CENPT: variants seen among roughly 807,000 people sequenced by gnomAD.
CENPT encodes centromere protein T.
Under a neutral mutation model 59.7 loss-of-function variants are expected in CENPT, and 42 were observed. The observed-to-expected ratio is 0.70, with a 90% CI of 0.55 to 0.91. The LOEUF is 0.91. CENPT is among the 40% of genes least tolerant of loss of function. CENPT has a pLI of 0.00. For missense variants in CENPT, 716 were observed against 713.4 expected (o/e 1.00, Z -0.04); for synonymous variants, 295 against 289.6 (o/e 1.02, Z -0.19).
chr16:67,835,888 C>G (rs967191599), intron 1 of CENPT, among the ~76,000 whole-genome samples: 2 of 151,242 alleles, frequency 1.3e-5, no homozygotes, highest in Non-Finnish European at 2.9e-5. Flanking sequence ...TCCTGAGCAG[C>G]TGGGATTACA....
chr16:67,841,265 A>G (rs1356993931), intron 1 of CENPT, among the ~76,000 whole-genome samples: 1 of 151,142 alleles, frequency 6.6e-6, no homozygotes, highest in Non-Finnish European at 1.5e-5. Flanking sequence ...GTATTGTTAC[A>G]ATGCAAATCC....
In CENPT at chr16:67,832,332, A is replaced by G; in HGVS notation, c.202-17T>C. On this transcript the variant is annotated splice_polypyrimidine_tract_variant and intron_variant, in intron 5 of 15. Coordinates refer to ENST00000562787, the MANE Select transcript of CENPT (RefSeq NM_025082.4). ...GCCAACAGACTATCGGCAAAGCACC[A>G]AGCAACCAGTCTGTCCGTCTGCCTT... 1 of 1,613,752 alleles carries G rather than the reference A, an allele frequency of 6.2e-7. No homozygotes were observed. The highest frequency in any genetic ancestry group is 8.5e-7 in the Non-Finnish European group (1 of 1,179,650).
Position 67,831,380 on chromosome 16 carries a change from G to C in CENPT, c.561-22C>G, listed in dbSNP as rs781095735. The C allele has an allele frequency of 1.2e-5, 20 of 1,609,138 alleles. 1 individual carries two copies. The South Asian group carries it at 2.1e-4, about 17-fold the overall frequency. On this transcript the variant is annotated intron_variant, in intron 9 of 15. Coordinates refer to ENST00000562787, the MANE Select transcript of CENPT (RefSeq NM_025082.4). ...GGATCTGGTGAGGTGGGGAGGCACA[G>C]AGGAAAGTCAGGTACCTGAGACCCA...
In CENPT at chr16:67,831,264, C is replaced by A; in HGVS notation, c.655G>T (p.Val219Leu). Residue 219 changes from valine (V) to leucine (L), a missense_variant, in exon 10 of 16, where the codon GTG (valine) becomes TTG (leucine). By Grantham distance (32) the Val-to-Leu change is conservative. Coordinates refer to ENST00000562787, the MANE Select transcript of CENPT (RefSeq NM_025082.4). ...RRPPARRAVD[V>L]GAFLRDLRDT... is the part of the protein sequence containing the mutation. ...CGCAGATCCCGCAAAAAGGCACCCACGTCTACAGCTCGGCGGGCTGGAGGT... is the reference window on the plus strand; with the variant it reads ...CGCAGATCCCGCAAAAAGGCACCCAAGTCTACAGCTCGGCGGGCTGGAGGT... The A allele has an allele frequency of 6.2e-7, 1 of 1,614,164 alleles. No homozygotes were observed. The highest frequency in any genetic ancestry group is 8.5e-7 in the Non-Finnish European group (1 of 1,180,020).
Position 67,828,809 on chromosome 16 carries a change from T to C in CENPT, c.1315A>G (p.Arg439Gly). ...SSEPAEPLLVRHPPRPRTTGP... is the reference protein window; with the variant it reads ...SSEPAEPLLVGHPPRPRTTGP... ...GTGGTCCGGGGCCTAGGGGGATGCC[T>C]GACCAACAGAGGCTCTGCAGGCTCT... The change falls in exon 14 of 16, where the codon AGG (arginine) becomes GGG (glycine). Residue 439 changes from arginine (R) to glycine (G), a missense_variant. Transcript: ENST00000562787. 1.3e-6 allele frequency: 2 copies of C among 1,592,572 alleles called. No homozygotes were observed.
At chr16:67,831,439 C>A in intron 9 of CENPT, 81 bp from the exon 10 acceptor site, 2 of 1,572,312 alleles carry the variant, frequency 1.3e-6, no homozygotes, top group Non-Finnish European at 1.7e-6. Context: ...TGCCCTGGGG[C>A]TCTCATCTCT....
chr16:67,830,648 T>G (rs1242987613), intron 10 of CENPT, 100 bp from the exon 11 acceptor site: 1 of 1,275,116 alleles, frequency 7.8e-7, no homozygotes, highest in East Asian at 2.4e-5. Flanking sequence ...TACTCAGCGT[T>G]GCCAGGGCCT....
At chr16:67,838,621 CA>C (rs768333473) in intron 1 of CENPT, among the ~76,000 whole-genome samples, 229 of 112,374 alleles carry the variant, frequency 2.0e-3, no homozygotes, top group South Asian at 8.8e-3. Flanking sequence ...GACTCCGTCT[CA>C]AAAAAAAAAA....
chr16:67,833,164 A>G (rs541595391), intron 4 of CENPT, among the ~76,000 whole-genome samples: 46 of 152,246 alleles, frequency 3.0e-4, no homozygotes, highest in African/African-American at 1.1e-3. Context: ...TGCCACTCCC[A>G]CTGACTCAGG....
Position 67,842,035 on chromosome 16 carries a change from C to G in CENPT, c.-492+5366G>C, listed in dbSNP as rs528888753. On this transcript the variant is annotated intron_variant, in intron 1 of 15. Coordinates refer to ENST00000562787, the MANE Select transcript of CENPT (RefSeq NM_025082.4). This position sits in a 1 kb window ranked among gnomAD's most constrained non-coding sequence, Gnocchi z 4.9. Reference sequence around the variant, plus strand: ...GTAGTCTCCGTGGGCATATACCCACCGCGCTTGCGCACCGGTGAGGCGCGC... The same window carrying G: ...GTAGTCTCCGTGGGCATATACCCACGGCGCTTGCGCACCGGTGAGGCGCGC... 2 of 152,466 alleles carry G rather than the reference C, an allele frequency of 1.3e-5. No homozygotes were observed. Among genetic ancestry groups the G allele is most frequent in the East Asian group, 3.9e-4 (2 of 5,188 alleles). 9.4% of individuals were successfully genotyped at this position (152,466 alleles called of 1,614,324 possible). A position where few individuals can be genotyped will look rare whatever the true frequency, so the allele number is the denominator to read the frequency against.
Position 67,828,508 on chromosome 16 carries a change from C to G in CENPT, c.1528G>C (p.Val510Leu). The G allele has an allele frequency of 6.2e-7, 1 of 1,614,238 alleles. No homozygotes were observed. Among genetic ancestry groups the G allele is most frequent in the Non-Finnish European group, 8.5e-7 (1 of 1,180,050 alleles). ...AGCAGCTCCAGGTCCTCTGGCTTCA[C>G]AGTCTTGCGGCCAGCATGAGCAGCA... Reference protein sequence around the residue: ...VFAAHAGRKTVKPEDLELLMR... With the variant: ...VFAAHAGRKTLKPEDLELLMR... Residue 510 changes from valine to leucine, a missense_variant, in exon 15 of 16, where the codon GTG becomes CTG. Coordinates refer to ENST00000562787, the MANE Select transcript of CENPT (RefSeq NM_025082.4).
chr16:67,834,839 T>C (rs1002600985), intron 3 of CENPT, among the ~76,000 whole-genome samples: 1 of 152,132 alleles, frequency 6.6e-6, no homozygotes, highest in Non-Finnish European at 1.5e-5. Context: ...AATAAATAAA[T>C]AAAAATTGGG....
chr16:67,843,157 C>T lies in CENPT; in HGVS notation c.-492+4244G>A, dbSNP rs1419514237. ...AAGTGGAGTTTGCAGCCGCAGAGGG[C>T]GCAGCCGCTGCGGCCGCCGCGTCGG... On this transcript the variant is annotated intron_variant, in intron 1 of 15. Coordinates refer to ENST00000562787, the MANE Select transcript of CENPT (RefSeq NM_025082.4). The surrounding 1 kb of genome is among the most constrained non-coding windows in gnomAD (Gnocchi z 5.7). 2 of 1,609,432 alleles carry T rather than the reference C, an allele frequency of 1.2e-6. No homozygotes were observed. The highest frequency in any genetic ancestry group is 1.7e-6 in the Non-Finnish European group (2 of 1,179,408).
rs956652139 is a variant in CENPT, at chr16:67,831,375, G to A, written c.561-17C>T. The A allele has an allele frequency of 1.2e-6, 2 of 1,609,964 alleles. No homozygotes were observed. Among genetic ancestry groups the A allele is most frequent in the Admixed American group, 1.7e-5 (1 of 59,796 alleles). On this transcript the variant is annotated splice_polypyrimidine_tract_variant and intron_variant, in intron 9 of 15. Transcript: ENST00000562787. Reference sequence around the variant, plus strand: ...TTGAGGGATCTGGTGAGGTGGGGAGGCACAGAGGAAAGTCAGGTACCTGAG... The same window carrying A: ...TTGAGGGATCTGGTGAGGTGGGGAGACACAGAGGAAAGTCAGGTACCTGAG...
chr16:67,831,194 GCAGGGGAAAACCCAA>G lies in CENPT; in HGVS notation c.703+7_703+21del, dbSNP rs1453696331. 3 of 1,613,536 alleles carry G rather than the reference GCAGGGGAAAACCCAA, an allele frequency of 1.9e-6. No individual in the cohort carries two copies. Among genetic ancestry groups the G allele is most frequent in the African/African-American group, 2.7e-5 (2 of 74,820 alleles). On this transcript the variant is annotated splice_region_variant and intron_variant, in intron 10 of 15. Transcript: ENST00000562787. ...CGGGGAGAGCTTTCCCCAAAGGCCAGCAGGGGAAAACCCAACCTTACTTGGAGGAGCCAGGGAAGT... is the reference window on the plus strand; with the variant it reads ...CGGGGAGAGCTTTCCCCAAAGGCCAGCCTTACTTGGAGGAGCCAGGGAAGT...
At chr16:67,838,638 A>G (rs1156447579) in intron 1 of CENPT, among the ~76,000 whole-genome samples, 2 of 150,258 alleles carry the variant, frequency 1.3e-5, no homozygotes, top group African/African-American at 4.9e-5. Context: ...AAAAAAAGAA[A>G]AAAAAATGGC....
chr16:67,841,087 C>G (rs968640450), intron 1 of CENPT, among the ~76,000 whole-genome samples: 2 of 138,024 alleles, frequency 1.4e-5, no homozygotes, highest in Admixed American at 7.5e-5. Context: ...CCCAGCTACT[C>G]CGGAGGCTGA....
chr16:67,828,190 G>A lies in CENPT; in HGVS notation c.*77C>T, dbSNP rs1201970762. 2.1e-6 allele frequency: 3 copies of A among 1,455,404 alleles called. No homozygotes were observed. The highest frequency in any genetic ancestry group is 2.9e-5 in the African/African-American group (2 of 70,076). 90.2% of individuals were successfully genotyped at this position (1,455,404 alleles called of 1,614,324 possible). The stretch of plus-strand genomic sequence containing the variant: ...ATGACACTTTATTGATGCTGGGGGG[G>A]TGGGGAGGAGACCTGGAGAAATATG... On this transcript the variant is annotated 3_prime_UTR_variant, in exon 16 of 16. Transcript: ENST00000562787.
intron 13 of CENPT, 117 bp downstream of exon 13, chr16:67,829,306 C>A: frequency 1.2e-6 from 1 of 808,378 alleles, no homozygotes; most frequent in South Asian, 2.1e-5. Context: ...CCAGCTGAAG[C>A]TGCCCTGCTG....
Sources: gnomAD v4.1 joint callset for allele counts (sites outside exome capture counted in the v4.1 genomes callset) on GRCh38, gnomAD v4.1.1 for gene constraint, Gnocchi (gnomAD v3.1) non-coding constraint, MANE v1.5 for transcripts, NCBI Gene and HGNC (gene_info 2026-07-23, HGNC 2026-07-21) for gene names.